The following IFIH1 variants were observed in gnomAD, a reference collection of about 807,000 sequenced individuals.
IFIH1 encodes the protein interferon-induced helicase C domain-containing protein 1.
In IFIH1, 125 loss-of-function variants were observed where a neutral mutation model predicts 107.4. The ratio of observed to expected loss-of-function variants is 1.16; its 90% confidence interval spans 1.01 to 1.35. IFIH1 has a LOEUF of 1.35. IFIH1 is among the 40% of genes most tolerant of loss of function. The pLI, the probability that IFIH1 is intolerant of heterozygous loss-of-function variation, is 0.00. For synonymous variants in IFIH1, 458 were observed against 413.2 expected, an observed-to-expected ratio of 1.11 and a Z score of -1.31; for missense variants, 1,333 against 1,213.7, an observed-to-expected ratio of 1.10 and a Z score of -1.46.
chr2:162,316,017 C>T (rs181559746), intron 1 of IFIH1, among the ~76,000 whole-genome samples: 124 of 152,286 alleles, frequency 8.1e-4, no homozygotes, highest in African/African-American at 2.6e-3. Flanking sequence ...ACAAAAGTCC[C>T]GTTACTCTAT....
At chr2:162,290,669 C>A (rs1682980904) in intron 4 of IFIH1, among the ~76,000 whole-genome samples, 1 of 151,886 alleles carries the variant, frequency 6.6e-6, no homozygotes, top group East Asian at 1.9e-4. Flanking sequence ...CACAAAAATA[C>A]CTGGTTAGAC....
rs200833729 is a variant in IFIH1 at position 162,272,245 on chromosome 2, G to A, written c.2597C>T (p.Pro866Leu). 516 of 1,611,814 alleles carry A rather than the reference G, an allele frequency of 3.2e-4. 6 individuals are homozygous for A. In the Middle Eastern group the frequency reaches 0.012, roughly 39 times the overall value. The part of the protein sequence containing the change: ...KAIHCVQNMK[P>L]EEYAHKILEL... ...CAATACCTTATGAGCATACTCCTCT[G>A]GTTTCATATTTTGAACACAATGTAT... Residue 866 changes from proline to leucine, a missense_variant, in exon 13 of 16, where the codon CCA becomes CTA. By Grantham distance (98) the Pro-to-Leu change is moderately conservative (BLOSUM62 -3). Coordinates refer to ENST00000649979, the MANE Select transcript of IFIH1 (RefSeq NM_022168.4).
intron 1 of IFIH1, among the ~76,000 whole-genome samples, chr2:162,312,685 T>C (rs1683402118): frequency 6.6e-6 from 1 of 152,204 alleles, no homozygotes; most frequent in Admixed American, 6.5e-5. Flanking sequence ...CATTTTTTTC[T>C]AGCTCTCTTA....
chr2:162,280,132 C>T lies in IFIH1; in HGVS notation c.1525-20G>A, dbSNP rs1292382650. On this transcript the variant is annotated intron_variant, in intron 7 of 15. Coordinates refer to ENST00000649979, the MANE Select transcript of IFIH1 (RefSeq NM_022168.4). ...ACATAGCTGGAAAAGAGACATTTTT[C>T]AATATTTATGCAATTATTTTTCCCT... The T allele has an allele frequency of 8.0e-7, 1 of 1,247,640 alleles. No homozygotes were observed. The highest frequency in any genetic ancestry group is 1.2e-6 in the Non-Finnish European group (1 of 855,192). 77.3% of individuals were successfully genotyped at this position (1,247,640 alleles called of 1,614,324 possible). A position where few individuals can be genotyped will look rare whatever the true frequency, so the allele number is the denominator to read the frequency against.
intron 7 of IFIH1, among the ~76,000 whole-genome samples, chr2:162,280,597 C>G (rs1297643949): frequency 6.6e-6 from 1 of 152,014 alleles, no homozygotes; most frequent in Non-Finnish European, 1.5e-5. Context: ...TGGGAGCATC[C>G]TTAGTCATGT....
chr2:162,299,122 T>G (rs1683147842), intron 3 of IFIH1, among the ~76,000 whole-genome samples: 1 of 152,176 alleles, frequency 6.6e-6, no homozygotes, highest in African/African-American at 2.4e-5. Context: ...ACTTAGGTTC[T>G]AATAAAGAGA....
chr2:162,293,441 C>A, intron 4 of IFIH1, 123 bp downstream of exon 4: 1 of 595,042 alleles, frequency 1.7e-6, no homozygotes. Context: ...AACTATTTCA[C>A]TGTAGAAAAG....
chr2:162,305,269 T>C (rs1413951722), intron 3 of IFIH1, among the ~76,000 whole-genome samples: 2 of 152,130 alleles, frequency 1.3e-5, no homozygotes, highest in African/African-American at 2.4e-5. Context: ...ATATTACTTA[T>C]CTAAGTACAA....
intron 1 of IFIH1, among the ~76,000 whole-genome samples, chr2:162,314,412 TTTCTTTTCTTTCTTTCTTTC>T (rs1683440803): frequency 1.5e-5 from 1 of 68,936 alleles, no homozygotes; most frequent in African/African-American, 1.0e-4. Flanking sequence ...TCTTTCTTTC[TTTCTTTTCTTTCTTTCTTTC>T]TTTCTTTCTT....
rs563273569 is a variant in IFIH1 at position 162,296,229 on chromosome 2, T to C, written c.770-2561A>G. On this transcript the variant is annotated intron_variant, in intron 3 of 15. Transcript: ENST00000649979. ...GTAAGTTTTGGGAGGGAGCTATTTA[T>C]GCAATGTGCACGAATAATTGATGAA... 6.6e-5 allele frequency among the ~76,000 whole-genome samples: 10 copies of C among 152,224 alleles called. No individual in the cohort carries two copies. In the East Asian group the frequency reaches 1.9e-3, roughly 30 times the overall value.
chr2:162,274,441 T>C (rs1351582175), intron 11 of IFIH1, among the ~76,000 whole-genome samples: 6 of 152,116 alleles, frequency 3.9e-5, no homozygotes. Context: ...TTAGAAGCTA[T>C]GGAATATTCC....
chr2:162,307,415 C>T (rs1165865439), intron 2 of IFIH1, among the ~76,000 whole-genome samples: 1 of 152,216 alleles, frequency 6.6e-6, no homozygotes, highest in Non-Finnish European at 1.5e-5. Flanking sequence ...CTGCACGAGA[C>T]GTACATCTGC....
At chr2:162,273,209 T>C (rs1691080032) in intron 12 of IFIH1, among the ~76,000 whole-genome samples, 1 of 152,184 alleles carries the variant, frequency 6.6e-6, no homozygotes, top group Non-Finnish European at 1.5e-5. Context: ...ACTCAACAGG[T>C]TACAATAATG....
rs1198672334 is a variant in IFIH1, at chr2:162,268,225, C to A, written c.2669G>T (p.Arg890Ile). The change falls in exon 14 of 16, where the codon AGA becomes ATA. Residue 890 changes from arginine (R) to isoleucine (I), a missense_variant. By Grantham distance (97) the Arg-to-Ile change is moderately conservative (BLOSUM62 -3). Coordinates refer to ENST00000649979, the MANE Select transcript of IFIH1 (RefSeq NM_022168.4). The part of the protein sequence containing the change: ...SIMEKKMKTK[R>I]NIAKHYKNNP... The stretch of plus-strand genomic sequence containing the variant: ...ATTCTTGTAATGCTTGGCAATATTT[C>A]TCTTGGTTTTCATTTTCTTTTCCAT... 1 of 1,612,626 alleles carries A rather than the reference C, an allele frequency of 6.2e-7. No homozygotes were observed. The highest frequency in any genetic ancestry group is 8.5e-7 in the Non-Finnish European group (1 of 1,179,024).
intron 3 of IFIH1, among the ~76,000 whole-genome samples, chr2:162,294,623 T>C (rs982500787): frequency 6.6e-6 from 1 of 151,976 alleles, no homozygotes; most frequent in Non-Finnish European, 1.5e-5. Context: ...AATCTTTAAG[T>C]AATATTAGGT....
At chr2:162,285,334 G>A (rs1298478626) in intron 5 of IFIH1, among the ~76,000 whole-genome samples, 1 of 151,964 alleles carries the variant, frequency 6.6e-6, no homozygotes, top group Non-Finnish European at 1.5e-5. Context: ...CGGAGGAAGG[G>A]AGATGAAAGT....
intron 10 of IFIH1, 35 bp from the exon 11 acceptor site, chr2:162,276,981 G>A (rs1682680920): frequency 1.3e-6 from 2 of 1,497,690 alleles, no homozygotes; most frequent in African/African-American, 2.8e-5. Flanking sequence ...ATGTTAACAA[G>A]CTTGATTTAG....
In IFIH1 at chr2:162,280,123, G is replaced by T. The variant is rs990937820; in HGVS notation, c.1525-11C>A. On this transcript the variant is annotated splice_polypyrimidine_tract_variant and intron_variant, in intron 7 of 15. Coordinates refer to ENST00000649979, the MANE Select transcript of IFIH1 (RefSeq NM_022168.4). ...AAGATTGGCACATAGCTGGAAAAGAGACATTTTTCAATATTTATGCAATTA... is the reference window on the plus strand; with the variant it reads ...AAGATTGGCACATAGCTGGAAAAGATACATTTTTCAATATTTATGCAATTA... The T allele has an allele frequency of 5.2e-6, 7 of 1,345,490 alleles. No homozygotes were observed. The Admixed American group carries it at 1.2e-4, about 24-fold the overall frequency. The allele number at this position is 1,345,490 out of a possible 1,614,324, so 83.3% of individuals were successfully genotyped here.
At chr2:162,302,199 T>A (rs1683205101) in intron 3 of IFIH1, among the ~76,000 whole-genome samples, 1 of 152,102 alleles carries the variant, frequency 6.6e-6, no homozygotes, top group African/African-American at 2.4e-5. Context: ...ATCAGATGTG[T>A]TAAGGGGTAA....
Sources: allele counts gnomAD v4.1 joint callset (sites outside exome capture counted in the v4.1 genomes callset), GRCh38; gene constraint gnomAD v4.1.1; transcripts MANE v1.5; gene names NCBI Gene and HGNC (gene_info 2026-07-23, HGNC 2026-07-21).